MEGF6: variants seen among roughly 807,000 people sequenced by gnomAD.
The protein encoded by MEGF6 is multiple epidermal growth factor-like domains protein 6.
Under a neutral mutation model 207.1 loss-of-function variants are expected in MEGF6, and 184 were observed. The observed-to-expected ratio is 0.89, with a 90% CI of 0.79 to 1.00. MEGF6 has a LOEUF of 1.00. Among genes scored for constraint, MEGF6 ranks in the 50% least tolerant of loss-of-function variants. MEGF6 has a pLI of 0.00. For missense variants in MEGF6, 2,282 were observed against 2,202.9 expected, an observed-to-expected ratio of 1.04 and a Z score of -0.72; for synonymous variants, 1,038 against 910.0, an observed-to-expected ratio of 1.14 and a Z score of -2.53.
chr1:3,497,276 G>C lies in MEGF6; in HGVS notation c.3438C>G (p.Ala1146=). The C allele has an allele frequency of 6.5e-7, 1 of 1,549,578 alleles. No homozygotes were observed. The highest frequency in any genetic ancestry group is 8.7e-7 in the Non-Finnish European group (1 of 1,149,990). Residue 1146 remains alanine, a synonymous_variant, in exon 27 of 37, where the codon GCC becomes GCG. Transcript: ENST00000356575. ...CAGTGAAGCCAGGGGGACAGCGGCA[G>C]GCCCCAGTGACGTGGTGGCAGGCAG... is the stretch of plus-strand genomic sequence containing the variant. The part of the protein sequence containing the change: ...PGAACHHVTG[A]CRCPPGFTGS...
the MEGF6 span, among the ~76,000 whole-genome samples, chr1:3,620,448 G>A: frequency 3.2e-4 from 49 of 152,346 alleles, no homozygotes; most frequent in Admixed American, 2.8e-3. Context: ...CAGCCCAGGC[G>A]GAGCCCGTAG....
intron 3 of MEGF6, among the ~76,000 whole-genome samples, chr1:3,593,587 G>A (rs368718478): frequency 8.7e-5 from 12 of 137,994 alleles, no homozygotes; most frequent in South Asian, 2.3e-4. Context: ...TCCTCTCCCC[G>A]CCCCCGGCCT....
rs781288417 is a variant in MEGF6 at position 3,509,136 on chromosome 1, G to A, written c.1467C>T (p.Asp489=). Residue 489 remains aspartate, a synonymous_variant, in exon 12 of 37, where the codon GAC becomes GAT. Coordinates refer to ENST00000356575, the MANE Select transcript of MEGF6 (RefSeq NM_001409.4). ...CTGCCTCTTCCTCATCGGCCCCGAC[G>A]TCGTCATCCTGGAAGAGTTGCGGCA... ...DELPQLFQDD[D]VGADEEEAEL... is the part of the protein sequence containing the mutation. 4.4e-6 allele frequency: 7 copies of A among 1,599,370 alleles called. No homozygotes were observed. The highest frequency in any genetic ancestry group is 1.7e-5 in the Admixed American group (1 of 58,390).
At chr1:3,498,217 G>A (rs1010230745) in intron 26 of MEGF6, among the ~76,000 whole-genome samples, 154 bp downstream of exon 26, 16 of 152,194 alleles carry the variant, frequency 1.1e-4, no homozygotes, top group African/African-American at 4.8e-5. Context: ...TCCCAACAGG[G>A]TCTTAGTGCT....
chr1:3,592,388 C>T (rs1165756947), intron 3 of MEGF6, among the ~76,000 whole-genome samples: 1 of 152,084 alleles, frequency 6.6e-6, no homozygotes, highest in African/African-American at 2.4e-5. Flanking sequence ...GACACTCCCG[C>T]AGTCCCCAGC....
intron 7 of MEGF6, 28 bp downstream of exon 7, chr1:3,514,522 G>A (rs1459181924): frequency 1.9e-5 from 30 of 1,571,876 alleles, no homozygotes; most frequent in African/African-American, 9.4e-5. Flanking sequence ...GACCCTGGGC[G>A]GGGCGGAGCA....
intron 5 of MEGF6, among the ~76,000 whole-genome samples, chr1:3,519,936 G>T (rs941112274): frequency 6.6e-6 from 1 of 152,186 alleles, no homozygotes; most frequent in East Asian, 1.9e-4. Context: ...ACCCCCAGCC[G>T]TGTGCACATG....
In MEGF6 at chr1:3,556,468, C is replaced by T. The variant is rs530625871; in HGVS notation, c.481+23357G>A. ...CAGCCAGCAGGGGTAGGAGAAACCT[C>T]GGCAAAGCAAGAGACGCCCTGGGCC... On this transcript the variant is annotated intron_variant, in intron 4 of 36. Transcript: ENST00000356575. This position sits in a 1 kb window ranked among gnomAD's most constrained non-coding sequence, Gnocchi z 4.4. 8.7e-4 allele frequency among the ~76,000 whole-genome samples: 133 copies of T among 152,312 alleles called. 1 individual carries two copies. The highest frequency in any genetic ancestry group is 2.8e-3 in the African/African-American group (118 of 41,558).
intron 2 of MEGF6, among the ~76,000 whole-genome samples, chr1:3,597,908 G>A (rs1644093890): frequency 6.6e-6 from 1 of 152,202 alleles, no homozygotes; most frequent in Non-Finnish European, 1.5e-5. Context: ...CCTGCCCAGG[G>A]GTCCCAAGGC....
chr1:3,607,066 G>A (rs1644259664), intron 1 of MEGF6, among the ~76,000 whole-genome samples: 2 of 152,014 alleles, frequency 1.3e-5, no homozygotes, highest in Non-Finnish European at 2.9e-5. Flanking sequence ...CCGGGGCTTG[G>A]AGACATCAGG....
At chr1:3,616,971 C>CCAG in the MEGF6 span, among the ~76,000 whole-genome samples, 1 of 152,322 alleles carries the variant, frequency 6.6e-6, no homozygotes, top group African/African-American at 2.4e-5. Flanking sequence ...AACCATGGTA[C>CCAG]CAGCAAGCAC....
intron 3 of MEGF6, among the ~76,000 whole-genome samples, chr1:3,591,191 G>A (rs1004392440): frequency 1.3e-5 from 2 of 152,194 alleles, no homozygotes; most frequent in African/African-American, 4.8e-5. Flanking sequence ...GGAAGCGCAC[G>A]GCAGAGCTGG....
At chr1:3,608,666 A>T (rs1414888707) in intron 1 of MEGF6, among the ~76,000 whole-genome samples, 1 of 152,276 alleles carries the variant, frequency 6.6e-6, no homozygotes, top group East Asian at 1.9e-4. Context: ...GCCCAGCAGC[A>T]CCTCTCAGGG....
Position 3,556,364 on chromosome 1 carries a change from T to C in MEGF6, c.481+23461A>G, listed in dbSNP as rs878063. ...AGGTGACAACGTCACACTCATTACA[T>C]GAAGTTTCATGGTAAGTGGCGCATC... On this transcript the variant is annotated intron_variant, in intron 4 of 36. Transcript: ENST00000356575. The surrounding 1 kb of genome is among the most constrained non-coding windows in gnomAD (Gnocchi z 4.4). Among the ~76,000 whole-genome samples, 43,212 of 152,158 alleles carry C rather than the reference T, an allele frequency of 0.28. 11,105 individuals are homozygous for C. The highest frequency in any genetic ancestry group is 0.69 in the African/African-American group (28,714 of 41,474).
chr1:3,500,383 C>A (rs1364587922), intron 21 of MEGF6, among the ~76,000 whole-genome samples: 1 of 152,262 alleles, frequency 6.6e-6, no homozygotes, highest in Non-Finnish European at 1.5e-5. Flanking sequence ...GGCTGCGAAG[C>A]AGAGCAGTGG....
At chr1:3,510,233 G>A (rs553826351) in intron 10 of MEGF6, among the ~76,000 whole-genome samples, 15 of 152,248 alleles carry the variant, frequency 9.9e-5, no homozygotes, top group Non-Finnish European at 1.3e-4. Flanking sequence ...GGGAGGGGCC[G>A]GCCAGGCAGC....
chr1:3,510,776 T>C lies in MEGF6; in HGVS notation c.1234+7A>G, dbSNP rs767804522. 6 of 1,598,466 alleles carry C rather than the reference T, an allele frequency of 3.8e-6. No homozygotes were observed. Among genetic ancestry groups the C allele is most frequent in the Non-Finnish European group, 4.3e-6 (5 of 1,170,000 alleles). ...CCCCAGCTGTGCAGTGGCAGGGCAG[T>C]GCTCACCCTCACAGCCGCAGCCATC... On this transcript the variant is annotated splice_region_variant and intron_variant, in intron 10 of 36. Coordinates refer to ENST00000356575, the MANE Select transcript of MEGF6 (RefSeq NM_001409.4).
chr1:3,566,079 G>A (rs1643336499), intron 4 of MEGF6, among the ~76,000 whole-genome samples: 1 of 152,200 alleles, frequency 6.6e-6, no homozygotes, highest in Non-Finnish European at 1.5e-5. Context: ...GCAGACCCCT[G>A]AGGCCAGCAC....
intron 4 of MEGF6, chr1:3,531,393 G>A (rs1160334746): frequency 3.4e-6 from 4 of 1,159,694 alleles, no homozygotes; most frequent in African/African-American, 1.6e-5. Flanking sequence ...TCCGCTCGGC[G>A]CCGCCCGGGA....
Sources: allele counts gnomAD v4.1 joint callset (sites outside exome capture counted in the v4.1 genomes callset), GRCh38; gene constraint gnomAD v4.1.1; non-coding constraint Gnocchi (gnomAD v3.1); transcripts MANE v1.5; gene names NCBI Gene and HGNC (gene_info 2026-07-23, HGNC 2026-07-21).